AOX1: variants seen among roughly 807,000 people sequenced by gnomAD.
AOX1 encodes the protein aldehyde oxidase 1, also known as aldehyde oxidase.
A neutral mutation model predicts 169.5 loss-of-function variants in AOX1; 153 were observed. The observed-to-expected ratio is 0.90, with a 90% CI of 0.79 to 1.03. The LOEUF (loss-of-function observed/expected upper bound fraction) is 1.03, where lower values mean the gene tolerates loss of function less well. AOX1 is among the 50% of genes least tolerant of loss of function. The probability of loss-of-function intolerance (pLI) is 0.00; values close to 1 mark genes in which losing one functional copy is unlikely to be tolerated. For missense variants in AOX1, 1,656 were observed against 1,663.9 expected, an observed-to-expected ratio of 1.00 and a Z score of 0.08; for synonymous variants, 562 against 581.9, an observed-to-expected ratio of 0.97 and a Z score of 0.49.
At chr2:200,666,842 T>A in intron 32 of AOX1, 90 bp downstream of exon 32, 1 of 855,268 alleles carries the variant, frequency 1.2e-6, no homozygotes. Flanking sequence ...GTCTTATTCA[T>A]CATCTTATTT....
intron 31 of AOX1, among the ~76,000 whole-genome samples, chr2:200,664,272 C>T (rs1165710110): frequency 2.6e-5 from 4 of 152,120 alleles, no homozygotes; most frequent in African/African-American, 9.7e-5. Flanking sequence ...TTACAGGCTG[C>T]GCCACCACAC....
rs776610357 is a variant in AOX1, at chr2:200,627,335, C to T, written c.2125-18C>T. 16 of 1,588,198 alleles carry T rather than the reference C, an allele frequency of 1.0e-5. No homozygotes were observed. The South Asian group carries it at 1.3e-4, about 13-fold the overall frequency. ...GGTCTCTTGCCCAAGCTGCCTCATTCCTCTGTTCTCTTTCTAGGAAAGTAT... is the reference window on the plus strand; with the variant it reads ...GGTCTCTTGCCCAAGCTGCCTCATTTCTCTGTTCTCTTTCTAGGAAAGTAT... On this transcript the variant is annotated intron_variant, in intron 19 of 34. Transcript: ENST00000374700.
chr2:200,659,554 TGTTA>T (rs2035770372), intron 28 of AOX1, among the ~76,000 whole-genome samples: 1 of 152,232 alleles, frequency 6.6e-6, no homozygotes, highest in Non-Finnish European at 1.5e-5. Flanking sequence ...TTCCATATTA[TGTTA>T]GTATCACTTT....
At chr2:200,621,816 G>T (rs1178060111) in intron 18 of AOX1, among the ~76,000 whole-genome samples, 1 of 152,032 alleles carries the variant, frequency 6.6e-6, no homozygotes, top group Non-Finnish European at 1.5e-5. Context: ...GCAGTGGCAT[G>T]ATCTTGGCTC....
intron 1 of AOX1, among the ~76,000 whole-genome samples, chr2:200,587,597 C>A (rs1036746471): frequency 2.0e-5 from 3 of 152,288 alleles, no homozygotes; most frequent in African/African-American, 7.2e-5. Flanking sequence ...TTGTCTGCCC[C>A]TGCTGCCTGG....
intron 5 of AOX1, among the ~76,000 whole-genome samples, chr2:200,600,083 G>A (rs550914671): frequency 6.6e-6 from 1 of 152,286 alleles, no homozygotes; most frequent in East Asian, 1.9e-4. Context: ...TTCATAAATG[G>A]AGAAACTGAG....
At chr2:200,641,737 T>A (rs1406608335) in intron 24 of AOX1, among the ~76,000 whole-genome samples, 3 of 152,050 alleles carry the variant, frequency 2.0e-5, no homozygotes, top group African/African-American at 4.8e-5. Flanking sequence ...TCTCACTATG[T>A]TGCCAGAGCT....
Position 200,676,652 on chromosome 2 carries a change from G to T in AOX1, c.487-226G>T, listed in dbSNP as rs548994550. Among the ~76,000 whole-genome samples the T allele has an allele frequency of 9.2e-5, 14 of 151,966 alleles. No homozygotes were observed. The South Asian group carries it at 1.9e-3, about 20-fold the overall frequency. ...AAGAAGAAGAAGATAGCTTATTCCA[G>T]TGGGTTGTCCCCATGGCAAGGAGAA... On this transcript the variant is annotated intron_variant, in intron 4 of 4. Transcript: ENST00000439380.
At chr2:200,638,152 T>C in intron 22 of AOX1, 63 bp from the exon 23 acceptor site, 1 of 1,503,622 alleles carries the variant, frequency 6.7e-7, no homozygotes, top group Non-Finnish European at 9.2e-7. Flanking sequence ...AGGAGTTATA[T>C]AAACCCCAGA....
chr2:200,618,779 G>A (rs1160731201), intron 16 of AOX1, among the ~76,000 whole-genome samples: 3 of 152,162 alleles, frequency 2.0e-5, no homozygotes, highest in Non-Finnish European at 2.9e-5. Context: ...CTTAAGTAAA[G>A]CTCTCATTAT....
chr2:200,602,432 C>G (rs979222878), intron 6 of AOX1, 87 bp downstream of exon 6: 1 of 1,126,314 alleles, frequency 8.9e-7, no homozygotes, highest in Non-Finnish European at 1.3e-6. Flanking sequence ...GGGCAGCCAT[C>G]TTACTAATAC....
In AOX1 at chr2:200,599,697, C is replaced by T; in HGVS notation, c.387C>T (p.Leu129=). The change falls in exon 5 of 35, where the codon CTC becomes CTT. Residue 129 remains leucine, a synonymous_variant. Coordinates refer to ENST00000374700, the MANE Select transcript of AOX1 (RefSeq NM_001159.4). Reference sequence around the variant, plus strand: ...TGGTGATGTCCATCTACACGCTGCTCAGGAACCACCCAGAGCCCACTCTGG... The same window carrying T: ...TGGTGATGTCCATCTACACGCTGCTTAGGAACCACCCAGAGCCCACTCTGG... ...PGMVMSIYTL[L]RNHPEPTLDQ... is the part of the protein sequence containing the mutation. The T allele has an allele frequency of 1.2e-6, 2 of 1,612,966 alleles. No individual in the cohort carries two copies. Among genetic ancestry groups the T allele is most frequent in the Non-Finnish European group, 8.5e-7 (1 of 1,179,294 alleles).
At chr2:200,626,081 A>G (rs2034997371) in intron 19 of AOX1, among the ~76,000 whole-genome samples, 2 of 152,242 alleles carry the variant, frequency 1.3e-5, no homozygotes, top group Admixed American at 1.3e-4. Context: ...TGTGTGGTCA[A>G]CATGGTTCTA....
chr2:200,674,668 A>C (rs1277150928), downstream of AOX1, among the ~76,000 whole-genome samples: 2 of 152,178 alleles, frequency 1.3e-5, no homozygotes, highest in Non-Finnish European at 2.9e-5. Flanking sequence ...GAGGCCTTGC[A>C]CGGGCCCGAC....
chr2:200,668,723 G>GC lies in AOX1; in HGVS notation c.3720dup (p.Ile1241HisfsTer3). 6.2e-7 allele frequency: 1 copy of GC among 1,614,152 alleles called. No homozygotes were observed. The highest frequency in any genetic ancestry group is 8.5e-7 in the Non-Finnish European group (1 of 1,180,016). ...TGGTCCAGACCAATATAAAATCCCT[G>GC]CCATCTGTGACATGCCCACGGAGTT... On this transcript the variant is annotated frameshift_variant, in exon 33 of 35. Transcript: ENST00000374700. LOFTEE classifies it high-confidence loss of function.
intron 16 of AOX1, among the ~76,000 whole-genome samples, chr2:200,618,436 G>C (rs987537551): frequency 1.3e-5 from 2 of 152,130 alleles, no homozygotes; most frequent in African/African-American, 4.8e-5. Flanking sequence ...CTTATACCAA[G>C]TTAATTGTAG....
chr2:200,598,314 G>A (rs1301123303), intron 4 of AOX1, among the ~76,000 whole-genome samples: 2 of 152,146 alleles, frequency 1.3e-5, no homozygotes, highest in Non-Finnish European at 2.9e-5. Flanking sequence ...TTTAGAGCTT[G>A]TTTGGAAGAC....
At chr2:200,641,041 A>C (rs1202872409) in intron 23 of AOX1, 57 bp from the exon 24 acceptor site, 13 of 1,350,064 alleles carry the variant, frequency 9.6e-6, no homozygotes, top group Non-Finnish European at 1.1e-6. Context: ...TGCAAATGAC[A>C]AAATTTGGAG....
rs1262952201 is a variant in AOX1 at position 200,651,047 on chromosome 2, T to C, written c.2921T>C (p.Ile974Thr). ...YKQEINAKNL[I>T]QCWRECMAMS... is the part of the protein sequence containing the mutation. ...CAAGAGATCAATGCCAAGAACCTAA[T>C]CCAGTGTTGGAGAGAATGTATGGCC... is the stretch of plus-strand genomic sequence containing the variant. Residue 974 changes from isoleucine (I) to threonine (T), a missense_variant, in exon 26 of 35, where the codon ATC becomes ACC. By Grantham distance (89) the Ile-to-Thr change is moderately conservative (BLOSUM62 -1). Coordinates refer to ENST00000374700, the MANE Select transcript of AOX1 (RefSeq NM_001159.4). 6.2e-6 allele frequency: 10 copies of C among 1,614,098 alleles called. No homozygotes were observed. The highest frequency in any genetic ancestry group is 1.3e-5 in the African/African-American group (1 of 74,932).
Sources: gnomAD v4.1 joint callset for allele counts (sites outside exome capture counted in the v4.1 genomes callset) on GRCh38, gnomAD v4.1.1 for gene constraint, MANE v1.5 for transcripts, NCBI Gene and HGNC (gene_info 2026-07-23, HGNC 2026-07-21) for gene names.